GLB1: variants seen among roughly 807,000 people sequenced by gnomAD.
The protein encoded by GLB1 is beta-galactosidase.
GLB1 carries 56 observed loss-of-function variants against 74.0 expected under a neutral mutation model. The observed-to-expected ratio is 0.76, with a 90% CI of 0.61 to 0.94. The LOEUF (loss-of-function observed/expected upper bound fraction) is 0.94. Ranked by LOEUF, GLB1 falls within the 40% of genes least tolerant of loss-of-function variation. The probability of loss-of-function intolerance (pLI) is 0.00; values close to 1 mark genes in which losing one functional copy is unlikely to be tolerated. For missense variants in GLB1, 787 were observed against 845.5 expected, an observed-to-expected ratio of 0.93 and a Z score of 0.86; for synonymous variants, 323 against 323.6, an observed-to-expected ratio of 1.00 and a Z score of 0.02.
At chr3:33,031,794 T>TTTTTG (rs1222930465) in intron 10 of GLB1, among the ~76,000 whole-genome samples, 2 of 151,050 alleles carry the variant, frequency 1.3e-5, no homozygotes, top group African/African-American at 4.9e-5. Context: ...TTCATTTCTT[T>TTTTTG]TTTTGTTTTG....
At chr3:33,055,237 CT>C (rs1055721091) in intron 6 of GLB1, among the ~76,000 whole-genome samples, 4 of 152,184 alleles carry the variant, frequency 2.6e-5, no homozygotes, top group African/African-American at 9.7e-5. Context: ...TCTCCAACCC[CT>C]AGCAGTGACA....
intron 10 of GLB1, among the ~76,000 whole-genome samples, chr3:33,025,576 A>G (rs1697707713): frequency 6.6e-6 from 1 of 151,090 alleles, no homozygotes; most frequent in Non-Finnish European, 1.5e-5. Flanking sequence ...TGTAGCCCGG[A>G]GCAGCTGCTG....
the GLB1 span, among the ~76,000 whole-genome samples, chr3:32,973,700 C>T: frequency 6.6e-6 from 1 of 151,962 alleles, no homozygotes. Flanking sequence ...TATGTTTGCA[C>T]CAACCTAATA....
the GLB1 span, among the ~76,000 whole-genome samples, chr3:32,983,076 T>C: frequency 1.1e-4 from 16 of 152,288 alleles, no homozygotes; most frequent in Admixed American, 9.1e-4. Context: ...TTGACATGTC[T>C]AGGTGTGAAC....
At chr3:33,096,734 C>G in intron 1 of GLB1, 1 of 1,288,678 alleles carries the variant, frequency 7.8e-7, no homozygotes, top group Non-Finnish European at 9.8e-7. Context: ...CTCAACACCT[C>G]GTTACAGATG....
At chr3:33,095,436 G>A (rs1400963839) in intron 1 of GLB1, among the ~76,000 whole-genome samples, 4 of 152,156 alleles carry the variant, frequency 2.6e-5, no homozygotes, top group Admixed American at 2.6e-4. Context: ...TGAGGCAGGA[G>A]AATGGCGTGA....
chr3:32,986,167 G>A, the GLB1 span, among the ~76,000 whole-genome samples: 1 of 152,230 alleles, frequency 6.6e-6, no homozygotes, highest in Non-Finnish European at 1.5e-5. Flanking sequence ...TAGCTGCTCT[G>A]TCGGCTGCTC....
chr3:33,054,764 G>A (rs62250476), intron 6 of GLB1, among the ~76,000 whole-genome samples: 1 of 152,060 alleles, frequency 6.6e-6, no homozygotes, highest in African/African-American at 2.4e-5. Context: ...CTTGCCTCTC[G>A]TGTCTTCTAT....
At chr3:33,071,761 G>C (rs1391587284) in intron 2 of GLB1, among the ~76,000 whole-genome samples, 1 of 152,020 alleles carries the variant, frequency 6.6e-6, no homozygotes, top group Non-Finnish European at 1.5e-5. Flanking sequence ...CCCAGTGTGG[G>C]TCATAGAAAT....
intron 1 of GLB1, among the ~76,000 whole-genome samples, chr3:33,074,389 G>GAAAGAGA (rs1559412979): frequency 2.6e-5 from 1 of 38,884 alleles, no homozygotes; most frequent in African/African-American, 1.1e-4. Context: ...AGGAAGGAAG[G>GAAAGAGA]AAGAAAGAAA....
chr3:32,962,388 A>G, the GLB1 span, among the ~76,000 whole-genome samples: 1 of 152,168 alleles, frequency 6.6e-6, no homozygotes, highest in African/African-American at 2.4e-5. Context: ...TTTCTAATGT[A>G]TGGTGTTAAT....
intron 6 of GLB1, among the ~76,000 whole-genome samples, chr3:33,056,144 T>G (rs1699206802): frequency 7.0e-6 from 1 of 143,248 alleles, no homozygotes; most frequent in African/African-American, 2.6e-5. Context: ...AGGAGAATGC[T>G]TGAACCCAGG....
intron 9 of GLB1, among the ~76,000 whole-genome samples, chr3:33,051,426 G>A (rs111873005): frequency 0.081 from 12,103 of 150,314 alleles, 1,133 homozygotes; most frequent in East Asian, 0.48. Context: ...GTGAAACCCC[G>A]TCTCTACTAA....
At chr3:32,966,740 C>T in the GLB1 span, among the ~76,000 whole-genome samples, 1 of 152,094 alleles carries the variant, frequency 6.6e-6, no homozygotes, top group Non-Finnish European at 1.5e-5. Context: ...TTGGGAGGGA[C>T]CCGGTGGGAG....
intron 4 of GLB1, 134 bp downstream of exon 4, chr3:33,068,096 A>T (rs1423336354): frequency 7.7e-7 from 1 of 1,302,942 alleles, no homozygotes; most frequent in Non-Finnish European, 1.1e-6. Context: ...CATTTTGGCC[A>T]GCCTGGTCTC....
the GLB1 span, among the ~76,000 whole-genome samples, chr3:32,977,822 T>C: frequency 1.3e-5 from 2 of 152,194 alleles, no homozygotes; most frequent in Admixed American, 1.3e-4. Flanking sequence ...CAGGGGAAAC[T>C]AGCTCTTGGG....
At chr3:33,025,420 G>A (rs765749979) in intron 10 of GLB1, among the ~76,000 whole-genome samples, 35 of 152,366 alleles carry the variant, frequency 2.3e-4, no homozygotes, top group Non-Finnish European at 4.6e-4. Context: ...CTGGGAGAAA[G>A]TCCCACGTCT....
At chr3:33,080,199 G>T (rs1229618417) in intron 1 of GLB1, among the ~76,000 whole-genome samples, 1 of 152,034 alleles carries the variant, frequency 6.6e-6, no homozygotes, top group East Asian at 1.9e-4. Context: ...CGCCTCCCCA[G>T]TTCAAGCAAT....
rs147332381 is a variant in GLB1 at position 33,014,213 on chromosome 3, C to T, written c.1577G>A (p.Gly526Asp). Residue 526 changes from glycine to aspartate, a missense_variant, in exon 15 of 16, where the codon GGC becomes GAC. Physicochemically the swap from Gly to Asp is moderately conservative, Grantham distance 94. Coordinates refer to ENST00000307363, the MANE Select transcript of GLB1 (RefSeq NM_000404.4). ...GTGGCCACTGTCACGGTGTCCCCAG[C>T]CCCCCAGGTGGCTGCACACTGCATC... ...TEDAVCSHLG[G>D]WGHRDSGHHD... 1,386 of 1,613,984 alleles carry T rather than the reference C, an allele frequency of 8.6e-4. 13 individuals are homozygous for T. The African/African-American group carries it at 0.014, about 17-fold the overall frequency.
Sources: gnomAD v4.1 joint callset for allele counts (sites outside exome capture counted in the v4.1 genomes callset) on GRCh38, gnomAD v4.1.1 for gene constraint, MANE v1.5 for transcripts, NCBI Gene and HGNC (gene_info 2026-07-23, HGNC 2026-07-21) for gene names.